FOSL1: variants seen among roughly 807,000 people sequenced by gnomAD.
The protein encoded by FOSL1 is FOS like 1, AP-1 transcription factor subunit, also known as fos-related antigen 1.
A neutral mutation model predicts 24.9 loss-of-function variants in FOSL1; 14 were observed. The observed-to-expected ratio is 0.56, with a 90% CI of 0.37 to 0.88. The LOEUF is 0.88. FOSL1 is among the 40% of genes least tolerant of loss of function. FOSL1 has a pLI of 0.00. For missense variants in FOSL1, 318 were observed against 359.8 expected, an observed-to-expected ratio of 0.88 and a Z score of 0.94; for synonymous variants, 133 against 145.1, an observed-to-expected ratio of 0.92 and a Z score of 0.60.
At chr11:65,897,425 C>T (rs1019234843) in intron 1 of FOSL1, among the ~76,000 whole-genome samples, 3 of 151,248 alleles carry the variant, frequency 2.0e-5, no homozygotes, top group South Asian at 2.1e-4. Flanking sequence ...CTGCAACCTG[C>T]GCCTCCCAGG....
intron 1 of FOSL1, among the ~76,000 whole-genome samples, chr11:65,899,380 C>T (rs1330070628): frequency 6.6e-6 from 1 of 152,182 alleles, no homozygotes; most frequent in Non-Finnish European, 1.5e-5. Context: ...GGAGGGACGC[C>T]CCGGGTGACT....
intron 1 of FOSL1, among the ~76,000 whole-genome samples, chr11:65,900,031 C>A (rs1420502173): frequency 6.6e-6 from 1 of 152,166 alleles, no homozygotes; most frequent in Non-Finnish European, 1.5e-5. Flanking sequence ...GAGAAGGGGG[C>A]GGCTGGGAGA....
chr11:65,898,962 G>GGAAAAAA (rs1860598893), intron 1 of FOSL1, among the ~76,000 whole-genome samples: 4 of 31,070 alleles, frequency 1.3e-4, no homozygotes, highest in African/African-American at 2.2e-4. Flanking sequence ...CCCTGTCTCA[G>GGAAAAAA]AAAAAAAAAA....
intron 1 of FOSL1, among the ~76,000 whole-genome samples, chr11:65,897,887 C>CT (rs527532473): frequency 0.035 from 4,820 of 137,060 alleles, 192 homozygotes; most frequent in African/African-American, 0.097. Flanking sequence ...CATTCCATTG[C>CT]TTTTTTTTTT....
chr11:65,897,224 T>C (rs1185885801), intron 1 of FOSL1, among the ~76,000 whole-genome samples: 2 of 152,118 alleles, frequency 1.3e-5, no homozygotes, highest in Admixed American at 6.6e-5. Flanking sequence ...TGCCCCCATT[T>C]CCCCATTAGA....
chr11:65,899,456 C>T (rs904975010), intron 1 of FOSL1, among the ~76,000 whole-genome samples: 1 of 152,238 alleles, frequency 6.6e-6, no homozygotes, highest in East Asian at 1.9e-4. Context: ...CCCCTGTCGA[C>T]ACGTGCTCGC....
rs758410472 is a variant in FOSL1, at chr11:65,896,879, G to C, written c.227C>G (p.Pro76Arg). The C allele has an allele frequency of 6.2e-6, 10 of 1,613,592 alleles. No individual in the cohort carries two copies. The South Asian group carries it at 7.7e-5, about 12-fold the overall frequency. ...CCGGATGACTCCTGGCCGGGGTTGT[G>C]GGGGGCTGTACTGAGGGTAGGTCAG... is the stretch of plus-strand genomic sequence containing the variant. ...RPLTYPQYSP[P>R]QPRPGVIRAL... Residue 76 changes from proline to arginine, a missense_variant, in exon 2 of 4, where the codon CCA (proline) becomes CGA (arginine). Transcript: ENST00000312562.
chr11:65,896,451 G>C (rs1328111776), intron 2 of FOSL1, among the ~76,000 whole-genome samples: 1 of 152,098 alleles, frequency 6.6e-6, no homozygotes, highest in Non-Finnish European at 1.5e-5. Context: ...GTCAGCAGGT[G>C]GAGACCCCCT....
At chr11:65,897,811 G>A (rs1031856368) in intron 1 of FOSL1, among the ~76,000 whole-genome samples, 1 of 152,000 alleles carries the variant, frequency 6.6e-6, no homozygotes. Context: ...GCGACAGTCT[G>A]GTAAGTGGCA....
chr11:65,896,662 C>T (rs1475818067), intron 2 of FOSL1, 147 bp downstream of exon 2: 4 of 585,326 alleles, frequency 6.8e-6, no homozygotes, highest in Non-Finnish European at 1.2e-5. Flanking sequence ...TCCCGTGGGG[C>T]TCCTATCACT....
chr11:65,899,098 G>A (rs1860605180), intron 1 of FOSL1, among the ~76,000 whole-genome samples: 1 of 152,072 alleles, frequency 6.6e-6, no homozygotes, highest in Non-Finnish European at 1.5e-5. Flanking sequence ...CCAGCACAAC[G>A]TCCCTGTTCC....
At chr11:65,899,534 A>AGG (rs993401470) in intron 1 of FOSL1, among the ~76,000 whole-genome samples, 4 of 152,190 alleles carry the variant, frequency 2.6e-5, no homozygotes, top group Admixed American at 2.0e-4. Context: ...GGGCGCCGTT[A>AGG]GGGGCTGAGA....
At chr11:65,899,697 G>A (rs575142940) in intron 1 of FOSL1, among the ~76,000 whole-genome samples, 1 of 152,354 alleles carries the variant, frequency 6.6e-6, no homozygotes, top group African/African-American at 2.4e-5. Flanking sequence ...CCCAGGCCGA[G>A]AAACGATAGG....
chr11:65,896,913 G>T lies in FOSL1; in HGVS notation c.193C>A (p.Pro65Thr). ...QPHFLGPSSY[P>T]RPLTYPQYSP... ...TACTGAGGGTAGGTCAGAGGCCTGG[G>T]GTAACTGCTGGGCCCCAGGAAATGA... The change falls in exon 2 of 4, where the codon CCC (proline) becomes ACC (threonine). Residue 65 changes from proline to threonine, a missense_variant. By Grantham distance (38) the Pro-to-Thr change is conservative. Coordinates refer to ENST00000312562, the MANE Select transcript of FOSL1 (RefSeq NM_005438.5). 1 of 1,614,104 alleles carries T rather than the reference G, an allele frequency of 6.2e-7. No individual in the cohort carries two copies. Among genetic ancestry groups the T allele is most frequent in the Non-Finnish European group, 8.5e-7 (1 of 1,179,952 alleles).
At chr11:65,893,409 C>G (rs1389304254) in intron 3 of FOSL1, 113 bp from the exon 4 acceptor site, 12 of 752,770 alleles carry the variant, frequency 1.6e-5, no homozygotes, top group South Asian at 1.1e-4. Flanking sequence ...AGAGGGGGGG[C>G]AGTGGAGAGT....
At chr11:65,899,684 C>A (rs1359058549) in intron 1 of FOSL1, among the ~76,000 whole-genome samples, 1 of 152,240 alleles carries the variant, frequency 6.6e-6, no homozygotes, top group Non-Finnish European at 1.5e-5. Flanking sequence ...CCCCCCTGGA[C>A]TCCCCAGGCC....
intron 2 of FOSL1, 25 bp from the exon 3 acceptor site, chr11:65,894,146 A>G (rs1196323484): frequency 9.7e-6 from 15 of 1,553,438 alleles, no homozygotes; most frequent in Non-Finnish European, 1.3e-5. Flanking sequence ...CGCAGTGAGG[A>G]GGACCCTGGG....
chr11:65,898,962 GAAA>G (rs745881086), intron 1 of FOSL1, among the ~76,000 whole-genome samples: 1 of 31,070 alleles, frequency 3.2e-5, no homozygotes, highest in Non-Finnish European at 1.4e-4. Flanking sequence ...CCCTGTCTCA[GAAA>G]AAAAAAAAAA....
rs772706418 is a variant in FOSL1 at position 65,893,191 on chromosome 11, T to C, written c.511A>G (p.Ile171Val). 4 of 1,614,012 alleles carry C rather than the reference T, an allele frequency of 2.5e-6. No individual in the cohort carries two copies. The South Asian group carries it at 3.3e-5, about 13-fold the overall frequency. Reference protein sequence around the residue: ...LELVLEAHRPICKIPEGAKEG... With the variant: ...LELVLEAHRPVCKIPEGAKEG... ...TTGGCTCCTTCCGGGATTTTGCAGA[T>C]GGGTCGGTGGGCTTCCAGCACCAGC... Residue 171 changes from isoleucine (I) to valine (V), a missense_variant, in exon 4 of 4, where the codon ATC (isoleucine) becomes GTC (valine). Coordinates refer to ENST00000312562, the MANE Select transcript of FOSL1 (RefSeq NM_005438.5).
Sources: allele counts gnomAD v4.1 joint callset (sites outside exome capture counted in the v4.1 genomes callset), GRCh38; gene constraint gnomAD v4.1.1; transcripts MANE v1.5; gene names NCBI Gene and HGNC (gene_info 2026-07-23, HGNC 2026-07-21).